The following DNAH7 variants were observed in gnomAD, a reference collection of about 807,000 sequenced individuals.
DNAH7 encodes the protein dynein axonemal heavy chain 7, also known as axonemal beta dynein heavy chain 7.
DNAH7 carries 397 observed loss-of-function variants against 444.6 expected under a neutral mutation model. That is an observed-to-expected ratio of 0.89 (90% CI 0.82 to 0.97). The LOEUF is 0.97. Ranked by LOEUF, DNAH7 falls within the 50% of genes least tolerant of loss-of-function variation. DNAH7 has a pLI of 0.00. For missense variants in DNAH7, 4,902 were observed against 4,800.8 expected, an observed-to-expected ratio of 1.02 and a Z score of -0.62; for synonymous variants, 1,636 against 1,624.4, an observed-to-expected ratio of 1.01 and a Z score of -0.17.
At chr2:195,791,145 C>T (rs1205603135) in intron 57 of DNAH7, among the ~76,000 whole-genome samples, 2 of 151,938 alleles carry the variant, frequency 1.3e-5, no homozygotes, top group Non-Finnish European at 2.9e-5. Context: ...CCATGAGATA[C>T]CTTCTTATAC....
At chr2:195,786,775 T>A (rs980368954) in intron 58 of DNAH7, among the ~76,000 whole-genome samples, 1 of 152,164 alleles carries the variant, frequency 6.6e-6, no homozygotes, top group East Asian at 1.9e-4. Flanking sequence ...TGTTTGTGTG[T>A]CAAAATAAAT....
chr2:195,927,757 T>C (rs1411917718), intron 21 of DNAH7, among the ~76,000 whole-genome samples: 3 of 151,562 alleles, frequency 2.0e-5, no homozygotes, highest in African/African-American at 4.8e-5. Flanking sequence ...ATATATGATA[T>C]ATATAGAATA....
intron 10 of DNAH7, among the ~76,000 whole-genome samples, chr2:196,005,668 T>G (rs1575002332): frequency 6.6e-6 from 1 of 151,912 alleles, no homozygotes; most frequent in African/African-American, 2.4e-5. Flanking sequence ...TAAAAAGACA[T>G]AGAAAATATC....
At chr2:195,748,278 G>A (rs1383577280) in intron 63 of DNAH7, among the ~76,000 whole-genome samples, 1 of 152,146 alleles carries the variant, frequency 6.6e-6, no homozygotes, top group African/African-American at 2.4e-5. Flanking sequence ...CAGCTTACAA[G>A]GGACGTGAAG....
rs187995522 is a variant in DNAH7, at chr2:195,787,300, C to T, written c.10717-129G>A. 298 of 962,974 alleles carry T rather than the reference C, an allele frequency of 3.1e-4. No homozygotes were observed. In the African/African-American group the frequency reaches 4.5e-3, roughly 15 times the overall value. The allele number at this position is 962,974 out of a possible 1,614,324, so 59.7% of individuals were successfully genotyped here. On this transcript the variant is annotated intron_variant, in intron 57 of 64. Coordinates refer to ENST00000312428, the MANE Select transcript of DNAH7 (RefSeq NM_018897.3). ...ATAGGGACATATTCATCCCAAATTA[C>T]AATTATAACAGAGTTAAGTATGTTT...
At chr2:196,019,594 G>A (rs376790351) in intron 8 of DNAH7, among the ~76,000 whole-genome samples, 4 of 152,066 alleles carry the variant, frequency 2.6e-5, no homozygotes, top group African/African-American at 9.7e-5. Context: ...ATGAACAAAT[G>A]AAAACAGCAG....
At chr2:195,777,732 A>G in intron 59 of DNAH7, 68 bp downstream of exon 59, 2 of 1,493,892 alleles carry the variant, frequency 1.3e-6, no homozygotes, top group Non-Finnish European at 1.8e-6. Flanking sequence ...CACCATTTAA[A>G]AAATATCATC....
At chr2:196,017,383 A>G (rs529073970) in intron 9 of DNAH7, among the ~76,000 whole-genome samples, 1 of 152,212 alleles carries the variant, frequency 6.6e-6, no homozygotes, top group Non-Finnish European at 1.5e-5. Context: ...ATAAATTCCA[A>G]TCAGAACACG....
intron 19 of DNAH7, among the ~76,000 whole-genome samples, chr2:195,939,024 T>C (rs547212770): frequency 6.6e-6 from 1 of 152,268 alleles, no homozygotes; most frequent in South Asian, 2.1e-4. Flanking sequence ...ATCATCTGCT[T>C]AATCTGAGTC....
intron 64 of DNAH7, among the ~76,000 whole-genome samples, chr2:195,738,810 T>C (rs1300678880): frequency 1.3e-5 from 2 of 152,200 alleles, no homozygotes; most frequent in Non-Finnish European, 2.9e-5. Context: ...GGAGTGGAAG[T>C]AATAGCAATC....
intron 5 of DNAH7, among the ~76,000 whole-genome samples, chr2:196,047,012 A>G (rs1202509673): frequency 6.6e-6 from 1 of 152,074 alleles, no homozygotes; most frequent in South Asian, 2.1e-4. Context: ...GGAGAATCAC[A>G]ATGCCGGAAA....
chr2:195,932,041 A>C (rs368391001), intron 21 of DNAH7, among the ~76,000 whole-genome samples: 19 of 152,250 alleles, frequency 1.2e-4, no homozygotes, highest in East Asian at 5.8e-4. Flanking sequence ...GATATTGATT[A>C]TTCCTACCCA....
At chr2:195,746,968 C>T (rs1693454251) in intron 63 of DNAH7, among the ~76,000 whole-genome samples, 2 of 151,778 alleles carry the variant, frequency 1.3e-5, no homozygotes, top group African/African-American at 2.4e-5. Context: ...CATTCAAAAG[C>T]TAGCAGAAGG....
intron 40 of DNAH7, among the ~76,000 whole-genome samples, chr2:195,870,287 T>G (rs958101324): frequency 6.6e-6 from 1 of 151,750 alleles, no homozygotes; most frequent in Non-Finnish European, 1.5e-5. Context: ...TTCAATGTTA[T>G]GAAGAACAAA....
At position 195,796,881 on chromosome 2, in the gene DNAH7, ACT is replaced by A. The variant is rs1056684504; in HGVS notation, c.10354-146_10354-145del. Reference sequence around the variant, plus strand: ...AGCCAAACACATGCATCCCTAAAAAACTCTCTTTGACAAAGAATCTTATAAAC... The same window carrying A: ...AGCCAAACACATGCATCCCTAAAAAACTCTTTGACAAAGAATCTTATAAAC... On this transcript the variant is annotated intron_variant, in intron 55 of 64. Transcript: ENST00000312428. 5 of 767,098 alleles carry A rather than the reference ACT, an allele frequency of 6.5e-6. No individual in the cohort carries two copies. The East Asian group carries it at 1.4e-4, about 21-fold the overall frequency. 47.5% of individuals were successfully genotyped at this position (767,098 alleles called of 1,614,324 possible).
At chr2:195,972,971 G>A (rs1224490425) in intron 15 of DNAH7, among the ~76,000 whole-genome samples, 1 of 152,220 alleles carries the variant, frequency 6.6e-6, no homozygotes, top group African/African-American at 2.4e-5. Context: ...CAGGCACACT[G>A]CTCGGAGCAT....
chr2:195,809,594 C>T (rs1696867620), intron 52 of DNAH7, 151 bp downstream of exon 52: 6 of 598,110 alleles, frequency 1.0e-5, no homozygotes, highest in African/African-American at 2.0e-5. Context: ...GAAATTTATC[C>T]TCCTGATAAC....
intron 12 of DNAH7, chr2:195,995,363 G>T: frequency 5.8e-6 from 3 of 518,010 alleles, no homozygotes; most frequent in South Asian, 4.3e-5. Flanking sequence ...GGAGCTGAAT[G>T]AACTTCTTGG....
intron 59 of DNAH7, among the ~76,000 whole-genome samples, chr2:195,776,630 T>A (rs1404033701): frequency 6.6e-6 from 1 of 152,164 alleles, no homozygotes; most frequent in Non-Finnish European, 1.5e-5. Flanking sequence ...AAAAATATTT[T>A]TTTTCTGATT....
Sources: gnomAD v4.1 joint callset for allele counts (sites outside exome capture counted in the v4.1 genomes callset) on GRCh38, gnomAD v4.1.1 for gene constraint, MANE v1.5 for transcripts, NCBI Gene and HGNC (gene_info 2026-07-23, HGNC 2026-07-21) for gene names.